FBXW10B: variants seen among roughly 807,000 people sequenced by gnomAD.
The protein encoded by FBXW10B is F-box and WD repeat domain containing 10B.
the FBXW10B span, among the ~76,000 whole-genome samples, chr17:15,603,800 C>T: frequency 3.2e-3 from 470 of 148,188 alleles, 8 homozygotes; most frequent in African/African-American, 0.011. Context: ...GGGCTGGGCG[C>T]GGTGGCTCAC....
chr17:15,610,648 T>A, the FBXW10B span, among the ~76,000 whole-genome samples: 1 of 152,188 alleles, frequency 6.6e-6, no homozygotes, highest in South Asian at 2.1e-4. Flanking sequence ...AGAGATTTCC[T>A]TGAAATTCAT....
At chr17:15,619,622 A>T in the FBXW10B span, 1 of 1,511,224 alleles carries the variant, frequency 6.6e-7, no homozygotes, top group Non-Finnish European at 8.8e-7. Flanking sequence ...TGCCTTTTCT[A>T]TTACAAACGT....
At chr17:15,614,987 T>G in the FBXW10B span, among the ~76,000 whole-genome samples, 1 of 152,152 alleles carries the variant, frequency 6.6e-6, no homozygotes, top group African/African-American at 2.4e-5. Flanking sequence ...GCCCAGGGAC[T>G]AGATGATGGA....
the FBXW10B span, among the ~76,000 whole-genome samples, chr17:15,608,952 T>TCCTG: frequency 6.6e-6 from 1 of 151,698 alleles, no homozygotes; most frequent in Non-Finnish European, 1.5e-5. Context: ...TTTATTTCCT[T>TCCTG]CCTGCCTGCC....
the FBXW10B span, chr17:15,593,459 G>A: frequency 3.7e-6 from 6 of 1,614,020 alleles, no homozygotes; most frequent in Non-Finnish European, 5.1e-6. Flanking sequence ...AGGCGCTGAT[G>A]ACCCGGAGGA....
chr17:15,567,287 AC>A, the FBXW10B span, among the ~76,000 whole-genome samples: 2 of 146,024 alleles, frequency 1.4e-5, no homozygotes, highest in African/African-American at 2.5e-5. Context: ...AAAAAAAAAA[AC>A]TGAGTGAAAT....
the FBXW10B span, among the ~76,000 whole-genome samples, chr17:15,597,955 C>T: frequency 2.0e-5 from 3 of 152,158 alleles, no homozygotes; most frequent in Admixed American, 6.5e-5. Context: ...GTGGCAGAGC[C>T]GGGATTTGGA....
the FBXW10B span, among the ~76,000 whole-genome samples, chr17:15,589,727 AGGAAGGAAGT>A: frequency 6.6e-6 from 1 of 151,998 alleles, no homozygotes; most frequent in Non-Finnish European, 1.5e-5. Context: ...ACCGACACTT[AGGAAGGAAGT>A]GGTGAGGTTT....
the FBXW10B span, among the ~76,000 whole-genome samples, chr17:15,611,265 G>A: frequency 6.6e-6 from 1 of 152,006 alleles, no homozygotes; most frequent in African/African-American, 2.4e-5. Flanking sequence ...CTCGTGATCC[G>A]CCCGCCTCGG....
the FBXW10B span, among the ~76,000 whole-genome samples, chr17:15,582,534 T>A: frequency 6.6e-6 from 1 of 151,942 alleles, no homozygotes; most frequent in African/African-American, 2.4e-5. Flanking sequence ...GTCCTCTTTC[T>A]ACTTAACAGT....
At chr17:15,585,943 C>CTTTTT in the FBXW10B span, among the ~76,000 whole-genome samples, 2 of 137,184 alleles carry the variant, frequency 1.5e-5, no homozygotes, top group Non-Finnish European at 3.1e-5. Context: ...TCATTTTCTT[C>CTTTTT]TTTTTTTTTT....
the FBXW10B span, among the ~76,000 whole-genome samples, chr17:15,597,854 A>G: frequency 0.18 from 27,399 of 152,142 alleles, 2,719 homozygotes; most frequent in African/African-American, 0.24. Flanking sequence ...CATCGTCACA[A>G]GACAAGTACT....
At chr17:15,609,617 C>T in the FBXW10B span, among the ~76,000 whole-genome samples, 1 of 151,726 alleles carries the variant, frequency 6.6e-6, no homozygotes, top group South Asian at 2.1e-4. Context: ...CATCCATAAA[C>T]TGGGAGCAAC....
chr17:15,619,136 G>A, the FBXW10B span: 35 of 1,613,810 alleles, frequency 2.2e-5, 1 homozygote, highest in South Asian at 2.5e-4. Flanking sequence ...GGTGCTGTTC[G>A]CAAACCAATA....
At chr17:15,618,636 C>T in the FBXW10B span, among the ~76,000 whole-genome samples, 2 of 151,992 alleles carry the variant, frequency 1.3e-5, no homozygotes, top group Non-Finnish European at 2.9e-5. Context: ...CAAAAGCTTC[C>T]CCTTTACAAC....
At chr17:15,570,941 A>C in the FBXW10B span, among the ~76,000 whole-genome samples, 1 of 152,240 alleles carries the variant, frequency 6.6e-6, no homozygotes, top group Admixed American at 6.5e-5. Context: ...TTAAAATGAA[A>C]ATACAAGCCA....
the FBXW10B span, chr17:15,605,064 T>C: frequency 6.1e-6 from 6 of 982,664 alleles, no homozygotes; most frequent in Non-Finnish European, 7.3e-6. Flanking sequence ...ATTCCTGACT[T>C]TTTCCTTGCC....
At chr17:15,594,380 G>C in the FBXW10B span, among the ~76,000 whole-genome samples, 23 of 150,396 alleles carry the variant, frequency 1.5e-4, no homozygotes, top group African/African-American at 5.2e-4. Context: ...GCTGAGACAG[G>C]AGAATAGCGT....
the FBXW10B span, among the ~76,000 whole-genome samples, chr17:15,592,648 CTT>C: frequency 6.6e-6 from 1 of 151,918 alleles, no homozygotes; most frequent in African/African-American, 2.4e-5. Context: ...CTATATGTCT[CTT>C]TGCATTAGAA....
Sources: gnomAD v4.1 joint callset for allele counts (sites outside exome capture counted in the v4.1 genomes callset) on GRCh38, gnomAD v4.1.1 for gene constraint, MANE v1.5 for transcripts, NCBI Gene and HGNC (gene_info 2026-07-23, HGNC 2026-07-21) for gene names.